The following PPP2R5E variants were observed in gnomAD, a reference collection of about 807,000 sequenced individuals.
PPP2R5E encodes protein phosphatase 2 regulatory subunit B'epsilon.
Under a neutral mutation model 65.3 loss-of-function variants are expected in PPP2R5E, and 4 were observed. The ratio of observed to expected loss-of-function variants is 0.06; its 90% CI spans 0.03 to 0.14. The LOEUF (loss-of-function observed/expected upper bound fraction) is 0.14. Among genes scored for constraint, PPP2R5E ranks in the 10% least tolerant of loss-of-function variants. The probability of loss-of-function intolerance (pLI) is 1.00; values close to 1 mark genes in which losing one functional copy is unlikely to be tolerated. For missense variants in PPP2R5E, 274 were observed against 556.1 expected, an observed-to-expected ratio of 0.49 and a Z score of 5.10; for synonymous variants, 183 against 187.4, an observed-to-expected ratio of 0.98 and a Z score of 0.19.
intron 2 of PPP2R5E, among the ~76,000 whole-genome samples, chr14:63,499,168 G>A (rs1317805389): frequency 1.3e-5 from 2 of 152,124 alleles, no homozygotes; most frequent in Admixed American, 1.3e-4. Flanking sequence ...AGAGAAGGTT[G>A]GTTTTGGTTT....
intron 3 of PPP2R5E, among the ~76,000 whole-genome samples, chr14:63,425,721 C>G (rs1254352716): frequency 1.3e-5 from 2 of 152,200 alleles, no homozygotes; most frequent in African/African-American, 4.8e-5. Flanking sequence ...AATAAATATT[C>G]ACAAAATAGA....
intron 2 of PPP2R5E, among the ~76,000 whole-genome samples, chr14:63,477,501 A>G (rs1890467569): frequency 6.6e-6 from 1 of 152,084 alleles, no homozygotes; most frequent in Non-Finnish European, 1.5e-5. Flanking sequence ...TCATAATGGC[A>G]ATTAAAAGAG....
intron 11 of PPP2R5E, among the ~76,000 whole-genome samples, 185 bp from the exon 12 acceptor site, chr14:63,384,756 C>T (rs1247965662): frequency 6.6e-6 from 1 of 151,968 alleles, no homozygotes; most frequent in Non-Finnish European, 1.5e-5. Flanking sequence ...TCGCTAGTGG[C>T]GCGATCTCGG....
At chr14:63,399,281 A>G (rs1885597529) in intron 5 of PPP2R5E, among the ~76,000 whole-genome samples, 2 of 151,146 alleles carry the variant, frequency 1.3e-5, no homozygotes. Context: ...GTATGACTCC[A>G]TTTATGTGAA....
At chr14:63,485,241 G>C (rs909931640) in intron 2 of PPP2R5E, among the ~76,000 whole-genome samples, 3 of 146,822 alleles carry the variant, frequency 2.0e-5, no homozygotes, top group Middle Eastern at 3.3e-3. Context: ...TATGAATTAA[G>C]ATATGTGAAT....
At chr14:63,455,576 C>A (rs10151527) in intron 2 of PPP2R5E, among the ~76,000 whole-genome samples, 66,481 of 152,004 alleles carry the variant, frequency 0.44, 18,647 homozygotes, top group African/African-American at 0.8. Flanking sequence ...ATCGGTTTTA[C>A]AATATTTAGC....
chr14:63,413,693 A>C (rs1387862864), intron 5 of PPP2R5E, among the ~76,000 whole-genome samples: 1 of 152,120 alleles, frequency 6.6e-6, no homozygotes, highest in African/African-American at 2.4e-5. Flanking sequence ...TAGATCTACT[A>C]TGTATCACTT....
intron 3 of PPP2R5E, among the ~76,000 whole-genome samples, chr14:63,450,797 T>G (rs1257925874): frequency 7.0e-6 from 1 of 143,470 alleles, no homozygotes; most frequent in Non-Finnish European, 1.5e-5. Context: ...AAGGAGCAAA[T>G]GAACAAATTC....
At chr14:63,411,564 G>A (rs1037339328) in intron 5 of PPP2R5E, among the ~76,000 whole-genome samples, 2 of 150,726 alleles carry the variant, frequency 1.3e-5, no homozygotes, top group African/African-American at 4.9e-5. Context: ...GGATCATGGA[G>A]GTATGGAGGT....
intron 13 of PPP2R5E, among the ~76,000 whole-genome samples, chr14:63,380,221 T>C (rs1340442717): frequency 2.6e-5 from 4 of 152,198 alleles, no homozygotes; most frequent in Admixed American, 2.0e-4. Flanking sequence ...GAAGATGTTA[T>C]GCACAAAGCA....
In PPP2R5E at chr14:63,422,729, TAAAAAAA is replaced by T. The variant is rs567590182; in HGVS notation, c.355-642_355-636del. 2.2e-4 allele frequency among the ~76,000 whole-genome samples: 19 copies of T among 88,240 alleles called. No individual in the cohort carries two copies. In the East Asian group the frequency reaches 6.5e-3, roughly 30 times the overall value. 57.9% of individuals were successfully genotyped at this position (88,240 alleles called of 152,430 possible). A position where few individuals can be genotyped will look rare whatever the true frequency, so the allele number is the denominator to read the frequency against. ...ATGAAAGAGCGAGACTCCGTCTATT[TAAAAAAA>T]AAAAAAAAAAAAAAAAAAAAAAACT... On this transcript the variant is annotated intron_variant, in intron 3 of 13. Transcript: ENST00000337537.
chr14:63,509,267 C>CTTTTTTT (rs10553696), intron 2 of PPP2R5E, among the ~76,000 whole-genome samples: 6 of 108,056 alleles, frequency 5.6e-5, no homozygotes, highest in Non-Finnish European at 8.9e-5. Context: ...TTAAAATATC[C>CTTTTTTT]TTTTTTTTTT....
At chr14:63,488,996 T>C (rs1430590404) in intron 2 of PPP2R5E, among the ~76,000 whole-genome samples, 1 of 151,990 alleles carries the variant, frequency 6.6e-6, no homozygotes, top group Non-Finnish European at 1.5e-5. Context: ...TAATTTCTGG[T>C]TTTACAGATG....
chr14:63,432,493 A>C (rs1887727071), intron 3 of PPP2R5E, among the ~76,000 whole-genome samples: 1 of 152,232 alleles, frequency 6.6e-6, no homozygotes, highest in South Asian at 2.1e-4. Context: ...TTGAATACAG[A>C]TCAAATGTAA....
chr14:63,488,679 T>C (rs935808582), intron 2 of PPP2R5E, among the ~76,000 whole-genome samples: 12 of 151,006 alleles, frequency 7.9e-5, no homozygotes, highest in African/African-American at 2.4e-4. Flanking sequence ...CAAAACCCCA[T>C]CTCTACTAAA....
intron 2 of PPP2R5E, among the ~76,000 whole-genome samples, chr14:63,459,453 T>C (rs1889332319): frequency 6.6e-6 from 1 of 152,198 alleles, no homozygotes. Flanking sequence ...TAAGCCTTTA[T>C]AATAAATCAA....
At chr14:63,497,883 A>T (rs998181631) in intron 2 of PPP2R5E, among the ~76,000 whole-genome samples, 3 of 152,224 alleles carry the variant, frequency 2.0e-5, no homozygotes, top group Non-Finnish European at 4.4e-5. Context: ...AATGGCCAGA[A>T]GCATACTCAC....
At chr14:63,476,749 T>G (rs912374391) in intron 2 of PPP2R5E, among the ~76,000 whole-genome samples, 3 of 152,138 alleles carry the variant, frequency 2.0e-5, no homozygotes, top group Non-Finnish European at 4.4e-5. Context: ...TTAAGGCCTT[T>G]AGATCCATTA....
intron 3 of PPP2R5E, among the ~76,000 whole-genome samples, chr14:63,444,425 G>C (rs1426188681): frequency 6.6e-6 from 1 of 152,106 alleles, no homozygotes; most frequent in Non-Finnish European, 1.5e-5. Context: ...CTGTTCACGT[G>C]AGTATTCCCT....
Sources: gnomAD v4.1 joint callset for allele counts (sites outside exome capture counted in the v4.1 genomes callset) on GRCh38, gnomAD v4.1.1 for gene constraint, MANE v1.5 for transcripts, NCBI Gene and HGNC (gene_info 2026-07-23, HGNC 2026-07-21) for gene names.